DRC11: variants seen among roughly 807,000 people sequenced by gnomAD.
DRC11 encodes dynein regulatory complex subunit 11, also known as IQ and AAA domain-containing protein 1.
chr2:236,368,615 AAAG>A, the DRC11 span: 1 of 214,898 alleles, frequency 4.7e-6, no homozygotes, highest in Admixed American at 5.2e-5. Context: ...AAAGTGCTAA[AAAG>A]AAGGACACAC....
the DRC11 span, among the ~76,000 whole-genome samples, chr2:236,319,275 C>T: frequency 2.0e-5 from 3 of 152,062 alleles, no homozygotes; most frequent in East Asian, 5.8e-4. The surrounding 1 kb of genome is among the most constrained non-coding windows in gnomAD (Gnocchi z 6.7). Context: ...GGCATTGTGC[C>T]GTGTACACGG....
At chr2:236,408,333 G>A in the DRC11 span, 2 of 770,976 alleles carry the variant, frequency 2.6e-6, no homozygotes, top group African/African-American at 3.4e-5. The surrounding 1 kb of genome is among the most constrained non-coding windows in gnomAD (Gnocchi z 5.5). Flanking sequence ...CCTTGCGCAA[G>A]CCTCAGTGGG....
the DRC11 span, chr2:236,497,315 G>T: frequency 6.2e-7 from 1 of 1,613,914 alleles, no homozygotes; most frequent in Non-Finnish European, 8.5e-7. The surrounding 1 kb of genome is among the most constrained non-coding windows in gnomAD (Gnocchi z 5.1). Context: ...TGGACGAACT[G>T]GTCGTAGACA....
the DRC11 span, among the ~76,000 whole-genome samples, chr2:236,422,858 A>G: frequency 6.6e-6 from 1 of 151,654 alleles, no homozygotes; most frequent in African/African-American, 2.4e-5. Flanking sequence ...ACAGAGATAT[A>G]GATCAATGGA....
chr2:236,425,375 T>C, the DRC11 span, among the ~76,000 whole-genome samples: 3 of 152,004 alleles, frequency 2.0e-5, no homozygotes, highest in Non-Finnish European at 4.4e-5. Flanking sequence ...AATATCTCAT[T>C]GTTTAATTTG....
At chr2:236,438,839 G>A in the DRC11 span, among the ~76,000 whole-genome samples, 1,582 of 152,070 alleles carry the variant, frequency 0.01, 17 homozygotes, top group Non-Finnish European at 0.016. Flanking sequence ...CTCAGCGAAC[G>A]TAAAAGAACA....
At chr2:236,491,174 T>C in the DRC11 span, among the ~76,000 whole-genome samples, 2 of 62,006 alleles carry the variant, frequency 3.2e-5, 1 homozygote, top group Non-Finnish European at 6.2e-5. Context: ...TATATATATA[T>C]ATATATACAC....
chr2:236,381,918 T>C, the DRC11 span, among the ~76,000 whole-genome samples: 2 of 152,176 alleles, frequency 1.3e-5, no homozygotes, highest in Admixed American at 1.3e-4. The surrounding 1 kb of genome is among the most constrained non-coding windows in gnomAD (Gnocchi z 5.8). Flanking sequence ...TTCCTCCCAG[T>C]CTGTAGCTTG....
chr2:236,399,533 C>A, the DRC11 span: 6 of 1,476,148 alleles, frequency 4.1e-6, no homozygotes, highest in South Asian at 3.4e-5. The surrounding 1 kb of genome is among the most constrained non-coding windows in gnomAD (Gnocchi z 7.0). Context: ...CAAGACCGGG[C>A]AGCAAAAGAC....
chr2:236,337,784 T>C, the DRC11 span, among the ~76,000 whole-genome samples: 1 of 151,272 alleles, frequency 6.6e-6, no homozygotes, highest in Non-Finnish European at 1.5e-5. This position sits in a 1 kb window ranked among gnomAD's most constrained non-coding sequence, Gnocchi z 4.9. Flanking sequence ...AGTAAATCAT[T>C]ACACAAGTGG....
chr2:236,430,492 C>T, the DRC11 span, among the ~76,000 whole-genome samples: 2 of 152,116 alleles, frequency 1.3e-5, no homozygotes, highest in African/African-American at 4.8e-5. This position sits in a 1 kb window ranked among gnomAD's most constrained non-coding sequence, Gnocchi z 6.0. Flanking sequence ...ATATCTTGGC[C>T]ATCTTTCCTT....
the DRC11 span, among the ~76,000 whole-genome samples, chr2:236,500,302 C>T: frequency 2.0e-5 from 3 of 152,182 alleles, no homozygotes; most frequent in Admixed American, 6.5e-5. The surrounding 1 kb of genome is among the most constrained non-coding windows in gnomAD (Gnocchi z 6.3). Context: ...GAATGCAGGA[C>T]GTACATGTAG....
the DRC11 span, among the ~76,000 whole-genome samples, chr2:236,330,741 A>G: frequency 6.6e-6 from 1 of 152,134 alleles, no homozygotes; most frequent in Non-Finnish European, 1.5e-5. This position sits in a 1 kb window ranked among gnomAD's most constrained non-coding sequence, Gnocchi z 5.5. Context: ...ACACCACTGT[A>G]TTTATTTTTG....
At chr2:236,493,285 G>A in the DRC11 span, among the ~76,000 whole-genome samples, 4 of 152,270 alleles carry the variant, frequency 2.6e-5, no homozygotes, top group African/African-American at 9.6e-5. Context: ...CAACACATGG[G>A]AATTGTGGGA....
At chr2:236,327,512 T>TG in the DRC11 span, among the ~76,000 whole-genome samples, 1 of 152,164 alleles carries the variant, frequency 6.6e-6, no homozygotes, top group Non-Finnish European at 1.5e-5. Flanking sequence ...CCCAAAGTGC[T>TG]GGGCTTACAG....
the DRC11 span, among the ~76,000 whole-genome samples, chr2:236,436,025 A>T: frequency 2.6e-5 from 4 of 152,192 alleles, no homozygotes; most frequent in African/African-American, 9.7e-5. Context: ...ATCCAGTAGC[A>T]ATGTATGAGA....
At chr2:236,318,313 G>A in the DRC11 span, among the ~76,000 whole-genome samples, 4 of 152,282 alleles carry the variant, frequency 2.6e-5, no homozygotes, top group South Asian at 2.1e-4. The surrounding 1 kb of genome is among the most constrained non-coding windows in gnomAD (Gnocchi z 7.0). Flanking sequence ...TGTCCCTGCC[G>A]CAGCCCTGGG....
the DRC11 span, chr2:236,392,115 T>C: frequency 6.3e-7 from 1 of 1,587,244 alleles, no homozygotes; most frequent in Non-Finnish European, 8.6e-7. This position sits in a 1 kb window ranked among gnomAD's most constrained non-coding sequence, Gnocchi z 5.1. Context: ...ACTTTGCATG[T>C]CTTGTGTTTT....
the DRC11 span, among the ~76,000 whole-genome samples, chr2:236,337,333 C>T: frequency 6.6e-6 from 1 of 152,164 alleles, no homozygotes; most frequent in Non-Finnish European, 1.5e-5. This position sits in a 1 kb window ranked among gnomAD's most constrained non-coding sequence, Gnocchi z 4.9. Context: ...GCTTCCCCTG[C>T]CGTTCACCAC....
Sources: allele counts gnomAD v4.1 joint callset (sites outside exome capture counted in the v4.1 genomes callset), GRCh38; gene constraint gnomAD v4.1.1; non-coding constraint Gnocchi (gnomAD v3.1); transcripts MANE v1.5; gene names NCBI Gene and HGNC (gene_info 2026-07-23, HGNC 2026-07-21).